CAPSL: variants seen among roughly 807,000 people sequenced by gnomAD.
The protein encoded by CAPSL is calcyphosin-like protein.
CAPSL carries 17 observed loss-of-function variants against 21.3 expected under a neutral mutation model. That is an observed-to-expected ratio of 0.80 (90% CI 0.55 to 1.20). The LOEUF is 1.20. CAPSL is among the 50% of genes most tolerant of loss of function. CAPSL has a pLI of 0.00. For missense variants in CAPSL, 289 were observed against 259.3 expected (o/e 1.11, Z -0.79); for synonymous variants, 102 against 89.3 (o/e 1.14, Z -0.80).
intron 1 of CAPSL, among the ~76,000 whole-genome samples, chr5:35,921,911 G>C (rs1738549184): frequency 6.7e-6 from 1 of 149,954 alleles, no homozygotes; most frequent in Non-Finnish European, 1.5e-5. Flanking sequence ...GATTGGATAA[G>C]ATGGTCTTTA....
At chr5:35,907,502 T>C (rs1232737794) in intron 4 of CAPSL, among the ~76,000 whole-genome samples, 1 of 152,098 alleles carries the variant, frequency 6.6e-6, no homozygotes, top group African/African-American at 2.4e-5. Context: ...GGTTTAGTGA[T>C]AGAAAAGGGG....
chr5:35,915,561 C>T (rs1176566904), intron 2 of CAPSL, among the ~76,000 whole-genome samples: 2 of 152,132 alleles, frequency 1.3e-5, no homozygotes, highest in Non-Finnish European at 2.9e-5. Context: ...TCAACATACG[C>T]AAATCAATAA....
chr5:35,915,350 AT>A (rs1339162363), intron 2 of CAPSL, among the ~76,000 whole-genome samples: 2 of 152,336 alleles, frequency 1.3e-5, no homozygotes, highest in Admixed American at 6.5e-5. Flanking sequence ...ATCCTCCCTA[AT>A]TTATTTTAGG....
At chr5:35,909,787 T>C (rs985861309) in intron 4 of CAPSL, 79 bp downstream of exon 4, 1 of 1,170,938 alleles carries the variant, frequency 8.5e-7, no homozygotes, top group Admixed American at 2.2e-5. Context: ...TGTGTTAACA[T>C]TTTTAAGAGT....
intron 1 of CAPSL, among the ~76,000 whole-genome samples, chr5:35,933,327 T>C (rs190112410): frequency 6.6e-6 from 1 of 152,284 alleles, no homozygotes; most frequent in Admixed American, 6.5e-5. Flanking sequence ...TTCTTATAGG[T>C]TACAGACATA....
chr5:35,919,310 CT>C (rs373965726), intron 2 of CAPSL, among the ~76,000 whole-genome samples: 179 of 151,848 alleles, frequency 1.2e-3, no homozygotes, highest in African/African-American at 4.2e-3. Flanking sequence ...ATTAAGGATA[CT>C]AGCAAAAGAA....
intron 1 of CAPSL, among the ~76,000 whole-genome samples, chr5:35,927,336 T>C (rs1738711703): frequency 6.6e-6 from 1 of 152,226 alleles, no homozygotes. Context: ...TTAACATTTT[T>C]AGGCATTTCT....
intron 1 of CAPSL, among the ~76,000 whole-genome samples, chr5:35,932,147 G>C (rs1308827957): frequency 6.6e-6 from 1 of 152,114 alleles, no homozygotes; most frequent in East Asian, 1.9e-4. Flanking sequence ...AAACCAAAAA[G>C]TGTTAAGGGA....
intron 1 of CAPSL, among the ~76,000 whole-genome samples, chr5:35,928,710 T>C (rs1738746383): frequency 6.6e-6 from 1 of 152,140 alleles, no homozygotes; most frequent in African/African-American, 2.4e-5. Context: ...TGGCATCTAA[T>C]GGGTAGAGGC....
At chr5:35,906,713 C>T (rs1244963708) in intron 4 of CAPSL, among the ~76,000 whole-genome samples, 1 of 152,166 alleles carries the variant, frequency 6.6e-6, no homozygotes, top group East Asian at 1.9e-4. Context: ...CTAACTGAAA[C>T]ACCAATACAT....
rs983066253 is a variant in CAPSL at position 35,933,646 on chromosome 5, T to C, written c.-1+4895A>G. Among the ~76,000 whole-genome samples the C allele has an allele frequency of 4.6e-5, 7 of 152,184 alleles. 1 individual carries two copies. The highest frequency in any genetic ancestry group is 3.9e-4 in the Admixed American group (6 of 15,268). On this transcript the variant is annotated intron_variant, in intron 1 of 4. Transcript: ENST00000651391. ...TTGTTACTGAAGAGCATTTGCCTGC[T>C]CCTCCCTCGGTGTGAAGAACTCCTG...
chr5:35,917,294 G>T (rs1738415664), intron 2 of CAPSL, among the ~76,000 whole-genome samples: 1 of 152,150 alleles, frequency 6.6e-6, no homozygotes, highest in Non-Finnish European at 1.5e-5. Context: ...CAACCATTGT[G>T]GAAGTCAGTG....
chr5:35,920,173 G>A (rs191182820), intron 2 of CAPSL, among the ~76,000 whole-genome samples: 9 of 152,178 alleles, frequency 5.9e-5, no homozygotes, highest in Admixed American at 2.0e-4. Context: ...GAAGCCTTCC[G>A]CATCTTCTGG....
chr5:35,916,000 G>A (rs1738375943), intron 2 of CAPSL, among the ~76,000 whole-genome samples: 1 of 152,170 alleles, frequency 6.6e-6, no homozygotes, highest in Non-Finnish European at 1.5e-5. Context: ...AAGCTGATAA[G>A]CAACTTCAGC....
chr5:35,921,166 T>A, intron 1 of CAPSL, 46 bp from the exon 2 acceptor site: 2 of 1,594,404 alleles, frequency 1.3e-6, no homozygotes, highest in Non-Finnish European at 1.7e-6. Context: ...GCCTCGCCGC[T>A]GCCTCTGGCT....
chr5:35,936,919 GCCAAATTCATTA>G lies in CAPSL; in HGVS notation c.-1+1610_-1+1621del, dbSNP rs1303220403. 2.0e-5 allele frequency among the ~76,000 whole-genome samples: 3 copies of G among 152,280 alleles called. No individual in the cohort carries two copies. In the East Asian group the frequency reaches 5.8e-4, roughly 29 times the overall value. On this transcript the variant is annotated intron_variant, in intron 1 of 4. Transcript: ENST00000651391. ...GACACTTTCAGTTTAATGTTCCAGA[GCCAAATTCATTA>G]CCTATCTTCCTTACTCTTTGCTTCA... is the stretch of plus-strand genomic sequence containing the variant.
chr5:35,911,455 C>T (rs1169140736), intron 2 of CAPSL, among the ~76,000 whole-genome samples: 1 of 151,978 alleles, frequency 6.6e-6, no homozygotes, highest in African/African-American at 2.4e-5. Flanking sequence ...AATAATAAGC[C>T]CAGTTTAGTC....
chr5:35,921,722 A>G (rs575601853), intron 1 of CAPSL, among the ~76,000 whole-genome samples: 92 of 152,246 alleles, frequency 6.0e-4, no homozygotes, highest in African/African-American at 2.1e-3. Flanking sequence ...GCCACACTTG[A>G]GCTCTCAAAG....
chr5:35,927,904 T>C (rs1466540519), intron 1 of CAPSL, among the ~76,000 whole-genome samples: 2 of 152,206 alleles, frequency 1.3e-5, no homozygotes, highest in Non-Finnish European at 2.9e-5. Flanking sequence ...GAAAATGCCC[T>C]TCTAAAATAA....
Sources: allele counts gnomAD v4.1 joint callset (sites outside exome capture counted in the v4.1 genomes callset), GRCh38; gene constraint gnomAD v4.1.1; transcripts MANE v1.5; gene names NCBI Gene and HGNC (gene_info 2026-07-23, HGNC 2026-07-21).